Variants in RBFOX1 observed in about 807,000 individuals in gnomAD.
The protein encoded by RBFOX1 is RNA binding fox-1 homolog 1, also known as RNA binding protein fox-1 homolog 1.
Under a neutral mutation model 57.7 loss-of-function variants are expected in RBFOX1, and 8 were observed. The observed-to-expected ratio is 0.14, with a 90% CI of 0.08 to 0.25. RBFOX1 has a LOEUF of 0.25. Ranked by LOEUF, RBFOX1 falls within the 10% of genes least tolerant of loss-of-function variation. The pLI is 1.00. For synonymous variants in RBFOX1, 326 were observed against 222.4 expected (o/e 1.47, Z -4.15); for missense variants, 611 against 548.5 (o/e 1.11, Z -1.14).
intron 1 of RBFOX1, among the ~76,000 whole-genome samples, chr16:5,434,671 C>A (rs879237756): frequency 3.4e-4 from 52 of 152,212 alleles, no homozygotes; most frequent in African/African-American, 1.2e-3. Context: ...AACCTTATTT[C>A]TTCGTTATCT....
At chr16:6,348,502 A>T (rs1166566096) in intron 2 of RBFOX1, among the ~76,000 whole-genome samples, 1 of 152,148 alleles carries the variant, frequency 6.6e-6, no homozygotes. Flanking sequence ...TTGCACTGCT[A>T]TAAGGAAATA....
intron 3 of RBFOX1, among the ~76,000 whole-genome samples, chr16:6,889,237 C>T (rs1369011035): frequency 6.6e-6 from 1 of 152,174 alleles, no homozygotes; most frequent in Non-Finnish European, 1.5e-5. Flanking sequence ...AGTGAGTCTT[C>T]TCCCACCCCA....
chr16:6,635,677 T>A (rs565564671), intron 2 of RBFOX1, among the ~76,000 whole-genome samples: 27 of 152,212 alleles, frequency 1.8e-4, no homozygotes, highest in Middle Eastern at 3.4e-3. Flanking sequence ...ATCCAATGAG[T>A]CTTACGGTTT....
chr16:6,973,970 C>T (rs1205775516), intron 3 of RBFOX1, among the ~76,000 whole-genome samples: 1 of 152,126 alleles, frequency 6.6e-6, no homozygotes, highest in Non-Finnish European at 1.5e-5. Context: ...GTGTTCCCCT[C>T]CCTGTGTCCA....
At chr16:6,598,982 C>A (rs1282461206) in intron 2 of RBFOX1, among the ~76,000 whole-genome samples, 1 of 152,114 alleles carries the variant, frequency 6.6e-6, no homozygotes, top group African/African-American at 2.4e-5. Flanking sequence ...CCTCTGTTTC[C>A]CATCCCAGTG....
intron 2 of RBFOX1, among the ~76,000 whole-genome samples, chr16:5,475,312 G>A (rs1324366249): frequency 6.6e-6 from 1 of 152,186 alleles, no homozygotes; most frequent in Non-Finnish European, 1.5e-5. Flanking sequence ...TAGGCATCCT[G>A]CTATTAAGTC....
At chr16:5,981,652 A>ACCATATT (rs2060175602) in intron 4 of RBFOX1, among the ~76,000 whole-genome samples, 1 of 152,004 alleles carries the variant, frequency 6.6e-6, no homozygotes, top group Non-Finnish European at 1.5e-5. Flanking sequence ...TATTTTTAGT[A>ACCATATT]GAGATGGGGT....
At chr16:5,832,777 C>T (rs1272137028) in intron 3 of RBFOX1, among the ~76,000 whole-genome samples, 1 of 152,096 alleles carries the variant, frequency 6.6e-6, no homozygotes, top group Non-Finnish European at 1.5e-5. Context: ...TGAACAGGAA[C>T]CAAAGATGTT....
At chr16:5,958,193 C>G (rs547803081) in intron 4 of RBFOX1, among the ~76,000 whole-genome samples, 1 of 152,184 alleles carries the variant, frequency 6.6e-6, no homozygotes, top group Non-Finnish European at 1.5e-5. Context: ...CAATACTTAT[C>G]AAAGGGGTGC....
chr16:6,789,692 T>C (rs1034345280), intron 3 of RBFOX1, among the ~76,000 whole-genome samples: 4 of 152,180 alleles, frequency 2.6e-5, no homozygotes, highest in Admixed American at 1.3e-4. Flanking sequence ...ATCCTTTTCT[T>C]GTTTCATTTT....
chr16:5,858,445 A>T (rs2057126138), intron 3 of RBFOX1, among the ~76,000 whole-genome samples: 1 of 152,218 alleles, frequency 6.6e-6, no homozygotes, highest in African/African-American at 2.4e-5. Flanking sequence ...TTCAAGGGCA[A>T]ACCAAGGACA....
At chr16:6,064,105 C>A (rs918379937) in intron 1 of RBFOX1, among the ~76,000 whole-genome samples, 9 of 152,076 alleles carry the variant, frequency 5.9e-5, no homozygotes, top group African/African-American at 2.2e-4. Flanking sequence ...TCAGTACTAC[C>A]AATTAATAAC....
At chr16:6,978,988 G>A (rs890183269) in intron 3 of RBFOX1, among the ~76,000 whole-genome samples, 15 of 152,184 alleles carry the variant, frequency 9.9e-5, no homozygotes, top group African/African-American at 3.6e-4. Context: ...CAGGCAAACT[G>A]TTGACTCTTT....
intron 3 of RBFOX1, among the ~76,000 whole-genome samples, chr16:5,720,669 C>T (rs2051897679): frequency 6.6e-6 from 1 of 152,156 alleles, no homozygotes; most frequent in Admixed American, 6.5e-5. Context: ...GTTCTGACAT[C>T]ATTTGTTGAA....
intron 2 of RBFOX1, among the ~76,000 whole-genome samples, chr16:6,618,852 T>C (rs1016458207): frequency 6.6e-6 from 1 of 152,182 alleles, no homozygotes; most frequent in Non-Finnish European, 1.5e-5. Flanking sequence ...AATTCACCTC[T>C]TTGGACCCTG....
chr16:5,294,478 G>A (rs2063613342), intron 1 of RBFOX1, among the ~76,000 whole-genome samples: 1 of 152,132 alleles, frequency 6.6e-6, no homozygotes, highest in African/African-American at 2.4e-5. Flanking sequence ...TCTTTGAGGG[G>A]TAATTTTTAC....
chr16:5,655,840 G>C (rs935926105), intron 3 of RBFOX1, among the ~76,000 whole-genome samples: 16 of 152,272 alleles, frequency 1.1e-4, no homozygotes, highest in Middle Eastern at 3.4e-3. Flanking sequence ...TTGACTCTCT[G>C]TTTGTCTTTG....
At chr16:6,554,957 C>A (rs1410300185) in intron 2 of RBFOX1, among the ~76,000 whole-genome samples, 1 of 152,116 alleles carries the variant, frequency 6.6e-6, no homozygotes, top group Non-Finnish European at 1.5e-5. Flanking sequence ...AAGTGACTAG[C>A]CTGAGTACAT....
At chr16:7,010,196 A>C (rs2093584856) in intron 3 of RBFOX1, among the ~76,000 whole-genome samples, 1 of 152,254 alleles carries the variant, frequency 6.6e-6, no homozygotes. Context: ...TCCCTTATAC[A>C]TATATGTCAT....
Sources: allele counts gnomAD v4.1 joint callset (sites outside exome capture counted in the v4.1 genomes callset), GRCh38; gene constraint gnomAD v4.1.1; transcripts MANE v1.5; gene names NCBI Gene and HGNC (gene_info 2026-07-23, HGNC 2026-07-21).